Variants in CHTF8 observed in about 807,000 individuals in gnomAD.
CHTF8 encodes the protein chromosome transmission fidelity protein 8 homolog.
Under a neutral mutation model 11.0 loss-of-function variants are expected in CHTF8, and 6 were observed. The ratio of observed to expected loss-of-function variants is 0.55; its 90% CI spans 0.30 to 1.08. The LOEUF (loss-of-function observed/expected upper bound fraction) is 1.08, where lower values mean the gene tolerates loss of function less well. CHTF8 is among the 50% of genes least tolerant of loss of function. The pLI, the probability that CHTF8 is intolerant of heterozygous loss-of-function variation, is 0.07. For synonymous variants in CHTF8, 53 were observed against 60.5 expected, an observed-to-expected ratio of 0.88 and a Z score of 0.57; for missense variants, 140 against 153.1, an observed-to-expected ratio of 0.91 and a Z score of 0.45.
In CHTF8 at chr16:69,120,791, G is replaced by T; in HGVS notation, c.142-142C>A. On this transcript the variant is annotated intron_variant, in intron 3 of 3. Transcript: ENST00000448552. The surrounding 1 kb of genome is among the most constrained non-coding windows in gnomAD (Gnocchi z 4.0). The stretch of plus-strand genomic sequence containing the variant: ...CTGCCATTGTTGAGCAGCCACACTG[G>T]ACCACCCACCCATGTGCCCTTTTTA... 2.6e-6 allele frequency: 2 copies of T among 760,090 alleles called. No individual in the cohort carries two copies. Among genetic ancestry groups the T allele is most frequent in the South Asian group, 1.7e-5 (1 of 60,428 alleles). The allele number at this position is 760,090 out of a possible 1,614,324, so 47.1% of individuals were successfully genotyped here.
At position 69,121,470 on chromosome 16, in the gene CHTF8, C is replaced by CT. The variant is rs1393687902; in HGVS notation, c.-13dup. ...ACAATTTGCACCATGAGCTTTCTGT[C>CT]TTTAAAAAGCAAGTGAAAACAAGCT... On this transcript the variant is annotated 5_prime_UTR_variant, in exon 2 of 4. Coordinates refer to ENST00000448552, the MANE Select transcript of CHTF8 (RefSeq NM_001039690.5). The CT allele has an allele frequency of 5.6e-6, 9 of 1,597,940 alleles. No homozygotes were observed. Among genetic ancestry groups the CT allele is most frequent in the Non-Finnish European group, 6.8e-6 (8 of 1,175,244 alleles).
intron 1 of CHTF8, among the ~76,000 whole-genome samples, chr16:69,130,818 G>T (rs146251391): frequency 3.7e-4 from 57 of 152,296 alleles, no homozygotes; most frequent in Middle Eastern, 3.4e-3. Flanking sequence ...AGCATTCTAC[G>T]AAAGCAGCAG....
chr16:69,131,827 C>A (rs1962547362), intron 1 of CHTF8, among the ~76,000 whole-genome samples: 1 of 151,866 alleles, frequency 6.6e-6, no homozygotes, highest in Admixed American at 6.6e-5. Context: ...CAGGACCCCA[C>A]CCCACTCGTC....
At chr16:69,128,444 C>T (rs1331065812) in intron 1 of CHTF8, among the ~76,000 whole-genome samples, 1 of 152,154 alleles carries the variant, frequency 6.6e-6, no homozygotes, top group Non-Finnish European at 1.5e-5. Context: ...GAAAACCAAA[C>T]CTTTCCCTGC....
rs1406274448 is a variant in CHTF8, at chr16:69,120,503, CA to C, written c.287del (p.Val96GlyfsTer34). On this transcript the variant is annotated frameshift_variant, in exon 4 of 4. Transcript: ENST00000448552. LOFTEE classifies it high-confidence loss of function. The surrounding 1 kb of genome is among the most constrained non-coding windows in gnomAD (Gnocchi z 4.0). ...GGATCTTGTCTTTGATGAGTGCTGT[CA>C]CCAGGTACCGGGTGCCAGTCTCGCG... is the stretch of plus-strand genomic sequence containing the variant. Reference protein sequence around the residue: ...LGRETGTRYLVTALIKDKILF... With the variant: ...LGRETGTRYLXTALIKDKILF... The C allele has an allele frequency of 6.2e-7, 1 of 1,614,002 alleles. No homozygotes were observed. The highest frequency in any genetic ancestry group is 1.3e-5 in the African/African-American group (1 of 74,892).
At chr16:69,127,220 A>G (rs559477944) in intron 1 of CHTF8, among the ~76,000 whole-genome samples, 2 of 152,034 alleles carry the variant, frequency 1.3e-5, no homozygotes, top group East Asian at 3.9e-4. Context: ...CCTGGGCAAC[A>G]AAGAGCAAAA....
chr16:69,119,129 A>C lies in CHTF8; in HGVS notation c.*1296T>G. 1.4e-6 allele frequency: 1 copy of C among 703,046 alleles called. No homozygotes were observed. Among genetic ancestry groups the C allele is most frequent in the Non-Finnish European group, 2.6e-6 (1 of 385,016 alleles). 43.6% of individuals were successfully genotyped at this position (703,046 alleles called of 1,614,324 possible). ...GGGAAAGTAACTTGACCAGGGCCTA[A>C]TGGGCCAGTAGACCTTGGGAAGGTA... On this transcript the variant is annotated 3_prime_UTR_variant, in exon 4 of 4. Coordinates refer to ENST00000448552, the MANE Select transcript of CHTF8 (RefSeq NM_001039690.5).
At chr16:69,129,004 C>G (rs1028390906) in intron 1 of CHTF8, among the ~76,000 whole-genome samples, 2 of 151,952 alleles carry the variant, frequency 1.3e-5, no homozygotes, top group African/African-American at 4.8e-5. Flanking sequence ...GCGGTAGTTA[C>G]AGTGAGCCGA....
chr16:69,124,845 C>A (rs1158818179), intron 1 of CHTF8, among the ~76,000 whole-genome samples: 1 of 152,074 alleles, frequency 6.6e-6, no homozygotes, highest in Non-Finnish European at 1.5e-5. Context: ...GGATCTGCAG[C>A]CTTATAGTAT....
At chr16:69,121,832 T>C (rs1187565606) in intron 1 of CHTF8, among the ~76,000 whole-genome samples, 1 of 152,018 alleles carries the variant, frequency 6.6e-6, no homozygotes, top group African/African-American at 2.4e-5. Context: ...CACGGCCGGC[T>C]AATTTTTTTT....
In CHTF8 at chr16:69,119,100, C is replaced by T. The variant is rs1373118804; in HGVS notation, c.*1325G>A. On this transcript the variant is annotated 3_prime_UTR_variant, in exon 4 of 4. Transcript: ENST00000448552. The stretch of plus-strand genomic sequence containing the variant: ...AAGGGCCCAGATGCCCGGCAGCTGG[C>T]CTGGGGAAAGTAACTTGACCAGGGC... 1.4e-6 allele frequency: 1 copy of T among 703,028 alleles called. No homozygotes were observed. The highest frequency in any genetic ancestry group is 2.6e-6 in the Non-Finnish European group (1 of 385,022). 43.5% of individuals were successfully genotyped at this position (703,028 alleles called of 1,614,324 possible). A position where few individuals can be genotyped will look rare whatever the true frequency, so the allele number is the denominator to read the frequency against.
Position 69,119,854 on chromosome 16 carries a change from G to C in CHTF8, c.*571C>G. 1 of 701,356 alleles carries C rather than the reference G, an allele frequency of 1.4e-6. No homozygotes were observed. The highest frequency in any genetic ancestry group is 2.6e-6 in the Non-Finnish European group (1 of 384,960). The allele number at this position is 701,356 out of a possible 1,614,324, so 43.4% of individuals were successfully genotyped here. ...AGGATTGGGAGGACCATTCCCAGAG[G>C]TTAACAGAACACCGGCTCTCAGGTT... On this transcript the variant is annotated 3_prime_UTR_variant, in exon 4 of 4. Transcript: ENST00000448552.
At chr16:69,126,723 G>A (rs916832766) in intron 1 of CHTF8, among the ~76,000 whole-genome samples, 18 of 152,210 alleles carry the variant, frequency 1.2e-4, no homozygotes, top group African/African-American at 4.3e-4. Context: ...TTTACTACTA[G>A]TCAGGAACGT....
intron 1 of CHTF8, among the ~76,000 whole-genome samples, chr16:69,126,747 C>G (rs1962087904): frequency 6.6e-6 from 1 of 152,180 alleles, no homozygotes; most frequent in Non-Finnish European, 1.5e-5. Context: ...GGAGGGCATC[C>G]TTTAGTGAAT....
intron 1 of CHTF8, among the ~76,000 whole-genome samples, chr16:69,128,181 AG>A (rs1232764758): frequency 1.3e-5 from 2 of 150,416 alleles, no homozygotes; most frequent in Non-Finnish European, 3.0e-5. Context: ...CCAAAGTGCC[AG>A]GATTACAGGC....
chr16:69,120,215 A>G lies in CHTF8; in HGVS notation c.*210T>C. 1.4e-6 allele frequency: 1 copy of G among 704,004 alleles called. No individual in the cohort carries two copies. Among genetic ancestry groups the G allele is most frequent in the Non-Finnish European group, 2.6e-6 (1 of 386,374 alleles). The allele number at this position is 704,004 out of a possible 1,614,324, so 43.6% of individuals were successfully genotyped here. On this transcript the variant is annotated 3_prime_UTR_variant, in exon 4 of 4. Coordinates refer to ENST00000448552, the MANE Select transcript of CHTF8 (RefSeq NM_001039690.5). The surrounding 1 kb of genome is among the most constrained non-coding windows in gnomAD (Gnocchi z 4.0). ...GCCAATGAGCCTGATGAAGCTGGAA[A>G]AGGAGATGGGTTCCTTGGAAATGGG...
chr16:69,124,609 A>G (rs1961927578), intron 1 of CHTF8, among the ~76,000 whole-genome samples: 1 of 151,570 alleles, frequency 6.6e-6, no homozygotes. Context: ...TTCTGACCTG[A>G]GGTGATCCAC....
intron 1 of CHTF8, among the ~76,000 whole-genome samples, chr16:69,126,789 C>G (rs1453147910): frequency 6.6e-6 from 1 of 152,152 alleles, no homozygotes; most frequent in Non-Finnish European, 1.5e-5. Context: ...CTTAAAATAT[C>G]CTGTAACACC....
Position 69,118,720 on chromosome 16 carries a change from G to A in CHTF8, c.*1705C>T, listed in dbSNP as rs996353940. The A allele has an allele frequency of 2.0e-5, 13 of 645,012 alleles. No homozygotes were observed. Among genetic ancestry groups the A allele is most frequent in the African/African-American group, 3.6e-5 (2 of 55,116 alleles). 40.0% of individuals were successfully genotyped at this position (645,012 alleles called of 1,614,324 possible). ...AGTCAAGAAAAACGCAAAGGAAAAA[G>A]ATGGCTCATTTGAACTTGAGCCCAA... On this transcript the variant is annotated 3_prime_UTR_variant, in exon 4 of 4. Coordinates refer to ENST00000448552, the MANE Select transcript of CHTF8 (RefSeq NM_001039690.5).
Sources: gnomAD v4.1 joint callset for allele counts (sites outside exome capture counted in the v4.1 genomes callset) on GRCh38, gnomAD v4.1.1 for gene constraint, Gnocchi (gnomAD v3.1) non-coding constraint, MANE v1.5 for transcripts, NCBI Gene and HGNC (gene_info 2026-07-23, HGNC 2026-07-21) for gene names.